Variants in THSD4 observed in about 807,000 individuals in gnomAD.
THSD4 encodes the protein thrombospondin type 1 domain containing 4.
Under a neutral mutation model 119.0 loss-of-function variants are expected in THSD4, and 69 were observed. That is an observed-to-expected ratio of 0.58 (90% CI 0.48 to 0.71). The LOEUF (loss-of-function observed/expected upper bound fraction) is 0.71. Ranked by LOEUF, THSD4 falls within the 30% of genes least tolerant of loss-of-function variation. THSD4 has a pLI of 0.00. For missense variants in THSD4, 1,393 were observed against 1,391.1 expected (o/e 1.00, Z -0.02); for synonymous variants, 524 against 540.4 (o/e 0.97, Z 0.42).
chr15:71,728,206 T>C (rs2052900763), intron 8 of THSD4, among the ~76,000 whole-genome samples: 1 of 152,154 alleles, frequency 6.6e-6, no homozygotes, highest in East Asian at 1.9e-4. Flanking sequence ...TAGATAATGG[T>C]ATATAATATA....
At position 71,745,136 on chromosome 15, in the gene THSD4, A is replaced by T; in HGVS notation, c.1937A>T (p.His646Leu). 20 of 1,612,276 alleles carry T rather than the reference A, an allele frequency of 1.2e-5. No homozygotes were observed. The highest frequency in any genetic ancestry group is 1.6e-5 in the Non-Finnish European group (19 of 1,179,936). Residue 646 changes from histidine to leucine, a missense_variant, in exon 12 of 18, where the codon CAC becomes CTC. Physicochemically the swap from His to Leu is moderately conservative, Grantham distance 99. Coordinates refer to ENST00000261862, the MANE Select transcript of THSD4 (RefSeq NM_024817.3). ...GSQYPIFRCV[H>L]RSTHEEAPES... ...CAGTACCCTATTTTCCGCTGTGTGC[A>T]CAGAAGCACTCATGAAGAGGCTCCT...
intron 7 of THSD4, among the ~76,000 whole-genome samples, chr15:71,568,756 A>G (rs1009497271): frequency 7.3e-5 from 11 of 151,694 alleles, no homozygotes; most frequent in Non-Finnish European, 1.6e-4. Context: ...CGACCCCACA[A>G]CAGGTCCCGG....
At chr15:71,286,180 C>G (rs1467889237) in intron 6 of THSD4, among the ~76,000 whole-genome samples, 2 of 152,070 alleles carry the variant, frequency 1.3e-5, no homozygotes, top group South Asian at 2.1e-4. Flanking sequence ...TTCAGAGATA[C>G]ATGTGCAGGA....
At chr15:71,697,507 G>A (rs540774311) in intron 8 of THSD4, among the ~76,000 whole-genome samples, 183 of 152,330 alleles carry the variant, frequency 1.2e-3, no homozygotes, top group African/African-American at 4.0e-3. Context: ...TCCCAGGGCC[G>A]GCAGGCAGGC....
intron 8 of THSD4, among the ~76,000 whole-genome samples, chr15:71,696,945 G>A (rs893050703): frequency 3.9e-5 from 6 of 152,292 alleles, no homozygotes; most frequent in Admixed American, 6.5e-5. Context: ...TGTCCAGGTC[G>A]ATCATGGTGC....
At chr15:71,334,751 C>T (rs1344689913) in intron 6 of THSD4, among the ~76,000 whole-genome samples, 1 of 152,198 alleles carries the variant, frequency 6.6e-6, no homozygotes, top group Non-Finnish European at 1.5e-5. Flanking sequence ...AGCCCTTAGC[C>T]TGATATGTTT....
chr15:71,371,529 G>C lies in THSD4; in HGVS notation c.1016-40158G>C, dbSNP rs553346287. Among the ~76,000 whole-genome samples, 25 of 152,076 alleles carry C rather than the reference G, an allele frequency of 1.6e-4. No homozygotes were observed. In the South Asian group the frequency reaches 4.4e-3, roughly 26 times the overall value. On this transcript the variant is annotated intron_variant, in intron 6 of 17. Transcript: ENST00000261862. Reference sequence around the variant, plus strand: ...TCTGTAAAGGATTTTATTTCTCCTTGGCTTATGAAGCTTAGTTTGGCTGGA... The same window carrying C: ...TCTGTAAAGGATTTTATTTCTCCTTCGCTTATGAAGCTTAGTTTGGCTGGA...
chr15:71,173,524 T>C (rs2043404616), intron 3 of THSD4, among the ~76,000 whole-genome samples: 1 of 149,780 alleles, frequency 6.7e-6, no homozygotes, highest in African/African-American at 2.5e-5. Flanking sequence ...AAATAGATAA[T>C]GGAATAGAAT....
chr15:71,609,094 C>T (rs1028240496), intron 7 of THSD4, among the ~76,000 whole-genome samples: 23 of 152,234 alleles, frequency 1.5e-4, no homozygotes, highest in African/African-American at 5.3e-4. Flanking sequence ...AGAACATTAA[C>T]TACCAGCTGA....
intron 7 of THSD4, among the ~76,000 whole-genome samples, chr15:71,479,685 C>T (rs1313456472): frequency 6.6e-6 from 1 of 151,846 alleles, no homozygotes; most frequent in East Asian, 1.9e-4. Flanking sequence ...CTTTTAGTTG[C>T]CAGATTTTAA....
intron 6 of THSD4, among the ~76,000 whole-genome samples, chr15:71,325,570 A>T (rs1159547057): frequency 2.6e-5 from 4 of 152,230 alleles, no homozygotes; most frequent in Admixed American, 6.5e-5. Context: ...GATATGTCAC[A>T]GTCACAGTCC....
At chr15:71,563,001 A>C (rs2049154756) in intron 7 of THSD4, among the ~76,000 whole-genome samples, 1 of 152,054 alleles carries the variant, frequency 6.6e-6, no homozygotes, top group African/African-American at 2.4e-5. Flanking sequence ...TTTGCTGTAT[A>C]TTCTATAACA....
chr15:71,678,470 GC>G, intron 8 of THSD4, among the ~76,000 whole-genome samples: 1 of 152,236 alleles, frequency 6.6e-6, no homozygotes, highest in Admixed American at 6.5e-5. Context: ...TTCTAAGATT[GC>G]CCTCTTCTCT....
intron 15 of THSD4, among the ~76,000 whole-genome samples, 181 bp downstream of exon 15, chr15:71,758,256 A>T (rs901733224): frequency 6.6e-6 from 1 of 152,252 alleles, no homozygotes; most frequent in Non-Finnish European, 1.5e-5. Context: ...AACAGTATTC[A>T]TTGAGCACCT....
chr15:71,165,851 C>G (rs1198498168), intron 3 of THSD4, among the ~76,000 whole-genome samples: 4 of 152,080 alleles, frequency 2.6e-5, no homozygotes, highest in Non-Finnish European at 5.9e-5. Flanking sequence ...GCTGCACTGG[C>G]TGTTGAGTTG....
intron 7 of THSD4, among the ~76,000 whole-genome samples, chr15:71,522,281 CTATTAT>C (rs898122341): frequency 6.6e-6 from 1 of 152,074 alleles, no homozygotes; most frequent in African/African-American, 2.4e-5. Context: ...CCAAATGTTA[CTATTAT>C]TATTAATATT....
chr15:71,496,698 C>A (rs915362155), intron 7 of THSD4, among the ~76,000 whole-genome samples: 4 of 152,222 alleles, frequency 2.6e-5, no homozygotes, highest in Non-Finnish European at 4.4e-5. Context: ...CTATAGCCAT[C>A]TAACCAGGCA....
intron 3 of THSD4, among the ~76,000 whole-genome samples, chr15:71,173,657 T>C (rs1335282027): frequency 6.6e-6 from 1 of 151,096 alleles, no homozygotes; most frequent in Non-Finnish European, 1.5e-5. Flanking sequence ...TTCAAAGAAA[T>C]AGAAAAAAGC....
chr15:71,751,946 A>G (rs2053455998), intron 14 of THSD4, among the ~76,000 whole-genome samples: 1 of 152,228 alleles, frequency 6.6e-6, no homozygotes, highest in Non-Finnish European at 1.5e-5. Context: ...GCGTGGAATC[A>G]TGTTAAATTA....
Sources: allele counts gnomAD v4.1 joint callset (sites outside exome capture counted in the v4.1 genomes callset), GRCh38; gene constraint gnomAD v4.1.1; transcripts MANE v1.5; gene names NCBI Gene and HGNC (gene_info 2026-07-23, HGNC 2026-07-21).